The following LINGO1 variants were observed in gnomAD, a reference collection of about 807,000 sequenced individuals.
LINGO1 encodes leucine rich repeat and Ig domain containing 1, also known as leucine-rich repeat and immunoglobulin-like domain-containing nogo receptor-interacting protein 1.
A neutral mutation model predicts 37.3 loss-of-function variants in LINGO1; 11 were observed. The ratio of observed to expected loss-of-function variants is 0.29; its 90% CI spans 0.19 to 0.49. The LOEUF (loss-of-function observed/expected upper bound fraction) is 0.49. Ranked by LOEUF, LINGO1 falls within the 20% of genes least tolerant of loss-of-function variation. The probability of loss-of-function intolerance (pLI) is 0.99; values close to 1 mark genes in which losing one functional copy is unlikely to be tolerated. For missense variants in LINGO1, 585 were observed against 878.2 expected (o/e 0.67, Z 4.22); for synonymous variants, 387 against 403.0 (o/e 0.96, Z 0.48).
intron 3 of LINGO1, among the ~76,000 whole-genome samples, chr15:77,674,483 G>A (rs898168484): frequency 1.3e-5 from 2 of 152,148 alleles, no homozygotes; most frequent in African/African-American, 4.8e-5. Flanking sequence ...GGCCCTGAGT[G>A]ATGAGTGCGT....
At chr15:77,662,392 G>A (rs1236269249) in intron 3 of LINGO1, among the ~76,000 whole-genome samples, 2 of 152,170 alleles carry the variant, frequency 1.3e-5, no homozygotes, top group South Asian at 2.1e-4. Flanking sequence ...CCTTGGGGAT[G>A]AGGGGGCAGG....
intron 3 of LINGO1, among the ~76,000 whole-genome samples, chr15:77,643,181 T>TA: frequency 6.6e-6 from 1 of 152,326 alleles, no homozygotes; most frequent in Middle Eastern, 3.4e-3. Flanking sequence ...GGCTGGCACT[T>TA]ACAGTATCAG....
At chr15:77,651,150 T>A (rs2074750941) in intron 3 of LINGO1, among the ~76,000 whole-genome samples, 1 of 150,730 alleles carries the variant, frequency 6.6e-6, no homozygotes, top group Non-Finnish European at 1.5e-5. Context: ...GAAGAGAGAG[T>A]TCTCTGCTTG....
At chr15:77,790,096 T>G (rs570198910), upstream of LINGO1, among the ~76,000 whole-genome samples, 2 of 152,180 alleles carry the variant, frequency 1.3e-5, no homozygotes, top group Non-Finnish European at 2.9e-5. Context: ...GATTTCAGAC[T>G]TCCAGCTTCT....
rs996749978 is a variant in LINGO1 at position 77,775,118 on chromosome 15, C to T, written c.-257+11751G>A. On this transcript the variant is annotated intron_variant, in intron 1 of 3. Coordinates refer to the LINGO1 transcript ENST00000561686. ...TTGCAGGGAACTGGGGATGGCAGCA[C>T]CTCGGGGCTAGAGGGATAGGCCTCC... 5.9e-5 allele frequency among the ~76,000 whole-genome samples: 9 copies of T among 152,310 alleles called. No homozygotes were observed. In the East Asian group the frequency reaches 1.5e-3, roughly 26 times the overall value.
At chr15:77,686,889 C>G (rs985261581) in intron 2 of LINGO1, among the ~76,000 whole-genome samples, 2 of 152,204 alleles carry the variant, frequency 1.3e-5, no homozygotes, top group African/African-American at 4.8e-5. Flanking sequence ...CCCACTAGCC[C>G]TGTGGGCAGG....
At position 77,776,310 on chromosome 15, in the gene LINGO1, T is replaced by C. The variant is rs142480852; in HGVS notation, c.-257+10559A>G. Reference sequence around the variant, plus strand: ...CATTAAGGCATCACTCTGACTGCCCTGGCCACCCTCCCTGCCATGCCCAGG... The same window carrying C: ...CATTAAGGCATCACTCTGACTGCCCCGGCCACCCTCCCTGCCATGCCCAGG... On this transcript the variant is annotated intron_variant, in intron 1 of 3. Coordinates refer to the LINGO1 transcript ENST00000561686. Among the ~76,000 whole-genome samples the C allele has an allele frequency of 2.6e-4, 39 of 152,240 alleles. No homozygotes were observed. The East Asian group carries it at 5.4e-3, about 21-fold the overall frequency.
At chr15:77,810,600 C>T (rs868723389) in intron 1 of LINGO1, among the ~76,000 whole-genome samples, 7 of 152,338 alleles carry the variant, frequency 4.6e-5, no homozygotes, top group Non-Finnish European at 7.4e-5. Context: ...TGCAGTGCTT[C>T]ACCATGAGAC....
intron 2 of LINGO1, among the ~76,000 whole-genome samples, chr15:77,712,410 C>A (rs888234008): frequency 1.3e-5 from 2 of 152,166 alleles, no homozygotes; most frequent in Non-Finnish European, 2.9e-5. Context: ...ATCTTGCCCC[C>A]CTCCCCCTAA....
chr15:77,646,816 T>C (rs889384596), intron 3 of LINGO1, among the ~76,000 whole-genome samples: 5 of 150,850 alleles, frequency 3.3e-5, no homozygotes, highest in Non-Finnish European at 4.4e-5. Flanking sequence ...AAAGGAGGCC[T>C]GGGAAACATT....
intron 1 of LINGO1, among the ~76,000 whole-genome samples, chr15:77,628,048 C>T (rs1239717287): frequency 6.6e-6 from 1 of 152,200 alleles, no homozygotes; most frequent in Non-Finnish European, 1.5e-5. Flanking sequence ...AAAATCAAGG[C>T]CCCTGACAAT....
upstream of LINGO1, among the ~76,000 whole-genome samples, chr15:77,698,118 G>A (rs2075720304): frequency 6.6e-6 from 1 of 152,148 alleles, no homozygotes; most frequent in African/African-American, 2.4e-5. Context: ...GGGGAGAGGT[G>A]GGGTACAGCA....
intron 1 of LINGO1, among the ~76,000 whole-genome samples, chr15:77,739,276 C>T (rs561336647): frequency 1.4e-4 from 21 of 152,336 alleles, no homozygotes; most frequent in African/African-American, 4.8e-4. Context: ...TCCCTTCCCC[C>T]CTTGGAGCTG....
chr15:77,816,205 C>T (rs2077046793), intron 1 of LINGO1, among the ~76,000 whole-genome samples: 1 of 152,226 alleles, frequency 6.6e-6, no homozygotes, highest in Non-Finnish European at 1.5e-5. Context: ...TCTGTTTCCC[C>T]TTTGAGAGCC....
Position 77,682,094 on chromosome 15 carries a change from G to A in LINGO1, c.-98-4920C>T, listed in dbSNP as rs1039915342. Among the ~76,000 whole-genome samples the A allele has an allele frequency of 3.3e-5, 5 of 152,110 alleles. No individual in the cohort carries two copies. In the South Asian group the frequency reaches 1.0e-3, roughly 32 times the overall value. On this transcript the variant is annotated intron_variant, in intron 2 of 3. Transcript: ENST00000559893. ...CTGATAAAACCACAGTGGTGAGGTT[G>A]GAAATGAATGGAAGCTCCTCCTCGA...
chr15:77,691,849 G>C (rs1288985947), intron 1 of LINGO1, among the ~76,000 whole-genome samples: 2 of 152,120 alleles, frequency 1.3e-5, no homozygotes, highest in African/African-American at 4.8e-5. Context: ...AGAAAACTGA[G>C]AAAATGAGTG....
At chr15:77,747,530 A>G (rs2076326274) in intron 1 of LINGO1, among the ~76,000 whole-genome samples, 1 of 152,240 alleles carries the variant, frequency 6.6e-6, no homozygotes. Flanking sequence ...TCTCTGTGTC[A>G]GAATGCCCAC....
chr15:77,669,991 C>T (rs747731765), intron 3 of LINGO1, among the ~76,000 whole-genome samples: 53 of 152,026 alleles, frequency 3.5e-4, no homozygotes, highest in Non-Finnish European at 7.2e-4. Flanking sequence ...GATAGCCATA[C>T]GATGGAATAT....
chr15:77,696,723 G>A (rs534835768), upstream of LINGO1, among the ~76,000 whole-genome samples: 493 of 152,308 alleles, frequency 3.2e-3, 2 homozygotes, highest in Middle Eastern at 6.8e-3. Flanking sequence ...CGGGCCCTCC[G>A]TTTCCAGTGG....
Sources: gnomAD v4.1 joint callset for allele counts (sites outside exome capture counted in the v4.1 genomes callset) on GRCh38, gnomAD v4.1.1 for gene constraint, MANE v1.5 for transcripts, NCBI Gene and HGNC (gene_info 2026-07-23, HGNC 2026-07-21) for gene names.